The following EPB41L3 variants were observed in gnomAD, a reference collection of about 807,000 sequenced individuals.
The protein encoded by EPB41L3 is band 4.1-like protein 3.
In EPB41L3, 57 loss-of-function variants were observed where a neutral mutation model predicts 127.1. The ratio of observed to expected loss-of-function variants is 0.45; its 90% CI spans 0.36 to 0.56. The LOEUF is 0.56. Ranked by LOEUF, EPB41L3 falls within the 20% of genes least tolerant of loss-of-function variation. The pLI, the probability that EPB41L3 is intolerant of heterozygous loss-of-function variation, is 0.00. For missense variants in EPB41L3, 1,273 were observed against 1,372.2 expected (o/e 0.93, Z 1.14); for synonymous variants, 572 against 549.5 (o/e 1.04, Z -0.57).
chr18:5,453,781 A>G (rs145694362), intron 3 of EPB41L3, among the ~76,000 whole-genome samples: 2 of 152,322 alleles, frequency 1.3e-5, no homozygotes, highest in East Asian at 3.9e-4. Context: ...GCCCTGGTAC[A>G]GTGTCCTGAA....
At chr18:5,581,586 C>G (rs1371774981) in intron 3 of EPB41L3, among the ~76,000 whole-genome samples, 1 of 152,188 alleles carries the variant, frequency 6.6e-6, no homozygotes, top group Non-Finnish European at 1.5e-5. Flanking sequence ...AATACAGTTA[C>G]TCCAAGGGGA....
intron 1 of EPB41L3, among the ~76,000 whole-genome samples, chr18:5,615,958 C>T (rs2094789708): frequency 6.6e-6 from 1 of 152,106 alleles, no homozygotes; most frequent in African/African-American, 2.4e-5. Flanking sequence ...AGAACCTCAA[C>T]CCTTCCTTCT....
chr18:5,451,458 A>T (rs1244056588), intron 3 of EPB41L3, among the ~76,000 whole-genome samples: 1 of 152,194 alleles, frequency 6.6e-6, no homozygotes, highest in Non-Finnish European at 1.5e-5. Flanking sequence ...TTCCCAGACA[A>T]ATGTGATTTC....
At chr18:5,594,828 C>T (rs2094521229) in intron 3 of EPB41L3, among the ~76,000 whole-genome samples, 1 of 152,132 alleles carries the variant, frequency 6.6e-6, no homozygotes, top group Admixed American at 6.5e-5. Flanking sequence ...ACAACCAGGA[C>T]ATGATGTTGG....
intron 3 of EPB41L3, among the ~76,000 whole-genome samples, chr18:5,609,528 G>A (rs998547410): frequency 3.9e-5 from 6 of 152,148 alleles, no homozygotes; most frequent in African/African-American, 4.8e-5. Flanking sequence ...AGCTTTGGAA[G>A]AACAAAGTTA....
chr18:5,561,223 C>T (rs944906132), intron 3 of EPB41L3, among the ~76,000 whole-genome samples: 16 of 152,170 alleles, frequency 1.1e-4, no homozygotes, highest in South Asian at 2.1e-4. Context: ...GTGATCCGCC[C>T]GCCTCGGCCT....
intron 13 of EPB41L3, among the ~76,000 whole-genome samples, chr18:5,414,682 G>A (rs1288845947): frequency 6.6e-6 from 1 of 152,170 alleles, no homozygotes; most frequent in Non-Finnish European, 1.5e-5. Context: ...AGCCTGGGGA[G>A]AGGAGTGGGG....
intron 3 of EPB41L3, among the ~76,000 whole-genome samples, chr18:5,450,465 T>G (rs200370277): frequency 6.8e-6 from 1 of 147,094 alleles, no homozygotes; most frequent in Non-Finnish European, 1.5e-5. Flanking sequence ...ATAGAGAAAC[T>G]GGGGGGGGTG....
chr18:5,487,067 A>T (rs2089869945), intron 2 of EPB41L3, among the ~76,000 whole-genome samples: 1 of 152,210 alleles, frequency 6.6e-6, no homozygotes, highest in Non-Finnish European at 1.5e-5. Flanking sequence ...CAAAATATGA[A>T]ATCAACCTAA....
chr18:5,535,870 G>A (rs187482246), intron 1 of EPB41L3, among the ~76,000 whole-genome samples: 5 of 152,332 alleles, frequency 3.3e-5, no homozygotes, highest in East Asian at 3.9e-4. Context: ...TGTTGAGGAC[G>A]AAGGAAGGGT....
At chr18:5,583,114 T>C (rs2094409915) in intron 3 of EPB41L3, among the ~76,000 whole-genome samples, 1 of 152,166 alleles carries the variant, frequency 6.6e-6, no homozygotes, top group African/African-American at 2.4e-5. Flanking sequence ...TAATATGCTG[T>C]GACTATTTTT....
At chr18:5,605,588 G>A (rs1355690862) in intron 3 of EPB41L3, among the ~76,000 whole-genome samples, 1 of 151,792 alleles carries the variant, frequency 6.6e-6, no homozygotes, top group East Asian at 1.9e-4. Context: ...TTAATTTTTA[G>A]TATTTTTGTT....
intron 3 of EPB41L3, among the ~76,000 whole-genome samples, chr18:5,559,100 A>AT (rs138427890): frequency 0.18 from 27,336 of 151,686 alleles, 2,755 homozygotes; most frequent in African/African-American, 0.26. Flanking sequence ...TGAATAAACA[A>AT]TTTTTTTTTC....
intron 1 of EPB41L3, among the ~76,000 whole-genome samples, chr18:5,537,187 G>A (rs2093599897): frequency 6.6e-6 from 1 of 152,138 alleles, no homozygotes; most frequent in African/African-American, 2.4e-5. Flanking sequence ...CATTCAGAAA[G>A]GTAGATAATG....
chr18:5,487,790 G>GAA (rs200148406), intron 2 of EPB41L3, among the ~76,000 whole-genome samples: 87 of 124,286 alleles, frequency 7.0e-4, no homozygotes, highest in African/African-American at 2.5e-3. Context: ...GTATAAAATT[G>GAA]AAAAAAAAAA....
At chr18:5,453,248 AT>A (rs1344360500) in intron 3 of EPB41L3, among the ~76,000 whole-genome samples, 1 of 152,224 alleles carries the variant, frequency 6.6e-6, no homozygotes, top group East Asian at 1.9e-4. Context: ...AATTAGAGAA[AT>A]CTGTCAAGTC....
chr18:5,396,273 C>G lies in EPB41L3; in HGVS notation c.2901G>C (p.Lys967Asn). ...SFGSVSPGGV[K>N]LEISTKEVPV... ...GCACTTCCTTCGTGGAAATTTCTAGCTTTACTCCTCCCGGTGAAACACTGC... is the reference window on the plus strand; with the variant it reads ...GCACTTCCTTCGTGGAAATTTCTAGGTTTACTCCTCCCGGTGAAACACTGC... Residue 967 changes from lysine to asparagine, a missense_variant, in exon 19 of 23, where the codon AAG becomes AAC. Coordinates refer to ENST00000341928, the MANE Select transcript of EPB41L3 (RefSeq NM_012307.5). 2 of 1,614,228 alleles carry G rather than the reference C, an allele frequency of 1.2e-6. No homozygotes were observed. Among genetic ancestry groups the G allele is most frequent in the Non-Finnish European group, 1.7e-6 (2 of 1,180,024 alleles).
In EPB41L3 at chr18:5,394,650, G is replaced by A. The variant is rs776396188; in HGVS notation, c.*6+27C>T. On this transcript the variant is annotated intron_variant, in intron 22 of 22. Transcript: ENST00000341928. ...CCATGCCTCATGCCAGCCTAGGCAA[G>A]CCTAGAGAATCGGCATCACCTCTTA... The A allele has an allele frequency of 1.9e-6, 3 of 1,581,692 alleles. No homozygotes were observed. In the African/African-American group the frequency reaches 4.0e-5, roughly 21 times the overall value.
Position 5,599,614 on chromosome 18 carries a change from G to A in EPB41L3, c.-306+12726C>T, listed in dbSNP as rs139382152. 4.3e-3 allele frequency among the ~76,000 whole-genome samples: 648 copies of A among 152,206 alleles called. 2 individuals are homozygous for A. Among genetic ancestry groups the A allele is most frequent in the South Asian group, 0.015 (74 of 4,822 alleles). On this transcript the variant is annotated intron_variant, in intron 3 of 21. Coordinates refer to the EPB41L3 transcript ENST00000545076. The stretch of plus-strand genomic sequence containing the variant: ...TGATAGTGAATGAGCTCTCACAAGT[G>A]CTGGTTGTTTGAAAGTATGTTGCAC...
Sources: allele counts gnomAD v4.1 joint callset (sites outside exome capture counted in the v4.1 genomes callset), GRCh38; gene constraint gnomAD v4.1.1; transcripts MANE v1.5; gene names NCBI Gene and HGNC (gene_info 2026-07-23, HGNC 2026-07-21).